Variants in MYOM1 observed in about 807,000 individuals in gnomAD.
MYOM1 encodes myomesin-1.
In MYOM1, 164 loss-of-function variants were observed where a neutral mutation model predicts 205.3. That is an observed-to-expected ratio of 0.80 (90% CI 0.70 to 0.91). The LOEUF is 0.91. Ranked by LOEUF, MYOM1 falls within the 40% of genes least tolerant of loss-of-function variation. The probability of loss-of-function intolerance (pLI) is 0.00; values close to 1 mark genes in which losing one functional copy is unlikely to be tolerated. For missense variants in MYOM1, 2,011 were observed against 2,127.3 expected, an observed-to-expected ratio of 0.95 and a Z score of 1.08; for synonymous variants, 772 against 789.4, an observed-to-expected ratio of 0.98 and a Z score of 0.37.
intron 17 of MYOM1, among the ~76,000 whole-genome samples, chr18:3,130,451 T>A (rs943043443): frequency 2.0e-5 from 3 of 152,224 alleles, no homozygotes; most frequent in African/African-American, 4.8e-5. Context: ...AATTTTATTT[T>A]ATTTATTTAT....
rs555253896 is a variant in MYOM1 at position 3,116,585 on chromosome 18, C to G, written c.3119-70G>C. On this transcript the variant is annotated intron_variant, in intron 20 of 37. Transcript: ENST00000356443. ...ACTCGTCTCCACACGTTTAGAACCA[C>G]TTGTAAGTCTTCAAGCTAATCTAAC... 6.1e-5 allele frequency: 82 copies of G among 1,354,046 alleles called. No homozygotes were observed. The South Asian group carries it at 1.4e-3, about 23-fold the overall frequency. The allele number at this position is 1,354,046 out of a possible 1,614,324, so 83.9% of individuals were successfully genotyped here. A position where few individuals can be genotyped will look rare whatever the true frequency, so the allele number is the denominator to read the frequency against.
chr18:3,155,418 G>GT (rs1053231427), intron 10 of MYOM1, among the ~76,000 whole-genome samples: 3 of 152,170 alleles, frequency 2.0e-5, no homozygotes, highest in Non-Finnish European at 4.4e-5. Context: ...TAGAGATGGG[G>GT]TTTCACCGTG....
At chr18:3,182,836 G>A (rs1044725879) in intron 5 of MYOM1, among the ~76,000 whole-genome samples, 2 of 149,912 alleles carry the variant, frequency 1.3e-5, no homozygotes, top group African/African-American at 4.9e-5. Context: ...CTTCTATGTC[G>A]ACAGAGTCCT....
At chr18:3,233,425 T>C in the MYOM1 span, among the ~76,000 whole-genome samples, 3 of 152,214 alleles carry the variant, frequency 2.0e-5, no homozygotes, top group Admixed American at 2.0e-4. Flanking sequence ...AAGTTACTCT[T>C]GGGAAGCATG....
At chr18:3,173,860 AT>A in intron 8 of MYOM1, 77 bp downstream of exon 8, 11 of 1,314,522 alleles carry the variant, frequency 8.4e-6, no homozygotes, top group Non-Finnish European at 1.2e-5. Context: ...GTATGCATTT[AT>A]TTCAGCATTA....
At chr18:3,148,844 CAAAAA>C (rs71159049) in intron 13 of MYOM1, among the ~76,000 whole-genome samples, 89 of 47,940 alleles carry the variant, frequency 1.9e-3, no homozygotes, top group Middle Eastern at 0.019. Flanking sequence ...AGACTCCATC[CAAAAA>C]AAAAAAAAAA....
At chr18:3,245,205 T>C in the MYOM1 span, among the ~76,000 whole-genome samples, 1 of 152,208 alleles carries the variant, frequency 6.6e-6, no homozygotes, top group African/African-American at 2.4e-5. Context: ...ATAGAAATCC[T>C]TGAAAAACAT....
At chr18:3,229,146 TCTTTTGAGAGGC>T in the MYOM1 span, among the ~76,000 whole-genome samples, 1 of 152,334 alleles carries the variant, frequency 6.6e-6, no homozygotes, top group South Asian at 2.1e-4. Context: ...CTCTGTGACT[TCTTTTGAGAGGC>T]CTTTTTTAGC....
chr18:3,190,288 T>C (rs1406189345), intron 3 of MYOM1: 1 of 152,260 alleles, frequency 6.6e-6, no homozygotes, highest in Non-Finnish European at 1.5e-5. Context: ...GAAGATTCTC[T>C]TGACATTGAG....
rs371797353 is a variant in MYOM1 at position 3,134,688 on chromosome 18, C to T, written c.2346G>A (p.Lys782=). The T allele has an allele frequency of 2.5e-6, 4 of 1,613,890 alleles. No individual in the cohort carries two copies. Among genetic ancestry groups the T allele is most frequent in the Middle Eastern group, 1.7e-4 (1 of 6,060 alleles). ...CGGGGTTGTTGTTACAGGGCTCCCA[C>T]TTGCCAGAGCCAGCAACGCTCGCCT... The part of the protein sequence containing the change: ...YIEASVAGSG[K]WEPCNNNPVK... Residue 782 remains lysine, a synonymous_variant, in exon 16 of 38, where the codon AAG becomes AAA. Coordinates refer to ENST00000356443, the MANE Select transcript of MYOM1 (RefSeq NM_003803.4).
At chr18:3,238,947 T>A in the MYOM1 span, among the ~76,000 whole-genome samples, 178 of 152,298 alleles carry the variant, frequency 1.2e-3, no homozygotes, top group African/African-American at 4.2e-3. Flanking sequence ...AGACCTCTTG[T>A]GGCAACGCTG....
intron 22 of MYOM1, among the ~76,000 whole-genome samples, chr18:3,109,794 C>T (rs2079500048): frequency 6.6e-6 from 1 of 152,004 alleles, no homozygotes; most frequent in Admixed American, 6.6e-5. Context: ...TTTTTTCTTT[C>T]CTATTCTTTT....
chr18:3,147,120 AAAT>A (rs891583481), intron 13 of MYOM1, among the ~76,000 whole-genome samples: 6 of 140,248 alleles, frequency 4.3e-5, no homozygotes, highest in Admixed American at 1.5e-4. Context: ...ATTTATATAT[AAAT>A]ATTATATATT....
intron 31 of MYOM1, among the ~76,000 whole-genome samples, chr18:3,084,522 T>C (rs1181266807): frequency 6.6e-6 from 1 of 152,232 alleles, no homozygotes; most frequent in African/African-American, 2.4e-5. Flanking sequence ...TTCTGCTGTT[T>C]GTTAGCAATA....
chr18:3,084,930 A>C, intron 31 of MYOM1, 115 bp downstream of exon 31: 1 of 790,380 alleles, frequency 1.3e-6, no homozygotes. Flanking sequence ...TTAAGCCAAA[A>C]TCTGTGGACA....
At chr18:3,232,326 T>C in the MYOM1 span, among the ~76,000 whole-genome samples, 15 of 150,468 alleles carry the variant, frequency 1.0e-4, no homozygotes, top group African/African-American at 3.4e-4. Flanking sequence ...TAAGACTCCA[T>C]CATGGAAAAA....
chr18:3,211,724 G>A (rs1206973359), intron 2 of MYOM1, among the ~76,000 whole-genome samples: 1 of 152,132 alleles, frequency 6.6e-6, no homozygotes, highest in Non-Finnish European at 1.5e-5. Context: ...GAACACAATT[G>A]GTAACTGATC....
Position 3,134,728 on chromosome 18 carries a change from A to G in MYOM1, c.2306T>C (p.Val769Ala), listed in dbSNP as rs1193258176. 6.2e-7 allele frequency: 1 copy of G among 1,613,860 alleles called. No individual in the cohort carries two copies. The highest frequency in any genetic ancestry group is 2.2e-5 in the East Asian group (1 of 44,872). Residue 769 changes from valine (V) to alanine (A), a missense_variant, in exon 16 of 38, where the codon GTC becomes GCC. Val to Ala is a moderately conservative substitution (Grantham distance 64). Coordinates refer to ENST00000356443, the MANE Select transcript of MYOM1 (RefSeq NM_003803.4). ...AACGCTCGCCTCTATGTAGTACCCG[A>G]CCAGCTCTTTGGCATCTTTGGACTC... is the stretch of plus-strand genomic sequence containing the variant. ...WEESKDAKEL[V>A]GYYIEASVAG...
chr18:3,227,722 G>A, the MYOM1 span, among the ~76,000 whole-genome samples: 1 of 152,134 alleles, frequency 6.6e-6, no homozygotes, highest in East Asian at 1.9e-4. Flanking sequence ...GGGAGGCTGA[G>A]GCAGGAGAAT....
Sources: gnomAD v4.1 joint callset for allele counts (sites outside exome capture counted in the v4.1 genomes callset) on GRCh38, gnomAD v4.1.1 for gene constraint, MANE v1.5 for transcripts, NCBI Gene and HGNC (gene_info 2026-07-23, HGNC 2026-07-21) for gene names.